Variants in POLR2F observed in about 807,000 individuals in gnomAD.
The protein encoded by POLR2F is DNA-directed RNA polymerases I, II, and III subunit RPABC2.
A neutral mutation model predicts 22.7 loss-of-function variants in POLR2F; 12 were observed. The observed-to-expected ratio is 0.53, with a 90% CI of 0.34 to 0.86. The LOEUF is 0.86. Among genes scored for constraint, POLR2F ranks in the 40% least tolerant of loss-of-function variants. POLR2F has a pLI of 0.02. For missense variants in POLR2F, 126 were observed against 171.5 expected, an observed-to-expected ratio of 0.73 and a Z score of 1.48; for synonymous variants, 57 against 66.0, an observed-to-expected ratio of 0.86 and a Z score of 0.66.
At chr22:37,994,086 C>T (rs915093224) in intron 1 of POLR2F, among the ~76,000 whole-genome samples, 1 of 152,186 alleles carries the variant, frequency 6.6e-6, no homozygotes, top group African/African-American at 2.4e-5. Context: ...CCAGTTAATG[C>T]CCCGCATTTT....
downstream of POLR2F, among the ~76,000 whole-genome samples, chr22:38,030,956 G>A (rs1485355179): frequency 6.6e-6 from 1 of 152,110 alleles, no homozygotes; most frequent in Non-Finnish European, 1.5e-5. Flanking sequence ...GAAATGAGGG[G>A]CCCTGGGACA....
chr22:37,983,154 C>T (rs1273697655), upstream of POLR2F, among the ~76,000 whole-genome samples: 1 of 152,222 alleles, frequency 6.6e-6, no homozygotes, highest in South Asian at 2.1e-4. This position sits in a 1 kb window ranked among gnomAD's most constrained non-coding sequence, Gnocchi z 9.5. Flanking sequence ...GTAGGGAGAC[C>T]CGGCCTAGGC....
Position 37,967,425 on chromosome 22 carries a change from A to G in POLR2F, c.294-200A>G, listed in dbSNP as rs1046929917. ...TCCTGCTGCAGGAGGCCTTACCAAT[A>G]TTCTGTCATTCTTCCCCCTCTTGTC... On this transcript the variant is annotated intron_variant, in intron 4 of 4. Transcript: ENST00000442738. 3 of 1,433,824 alleles carry G rather than the reference A, an allele frequency of 2.1e-6. No homozygotes were observed. In the African/African-American group the frequency reaches 4.3e-5, roughly 21 times the overall value. The allele number at this position is 1,433,824 out of a possible 1,614,324, so 88.8% of individuals were successfully genotyped here. A position where few individuals can be genotyped will look rare whatever the true frequency, so the allele number is the denominator to read the frequency against.
intron 1 of POLR2F, among the ~76,000 whole-genome samples, chr22:37,998,185 G>C (rs1018178809): frequency 2.0e-5 from 3 of 152,220 alleles, no homozygotes; most frequent in Non-Finnish European, 2.9e-5. Flanking sequence ...GCAGGGGCAG[G>C]GAATGAGGGG....
At chr22:37,956,702 C>A in intron 1 of POLR2F, 71 bp from the exon 2 acceptor site, 1 of 1,188,812 alleles carries the variant, frequency 8.4e-7, no homozygotes, top group Non-Finnish European at 1.3e-6. Context: ...CAAGTGTGAT[C>A]CACCGTGCCT....
rs1266573207 is a variant in POLR2F at position 37,953,747 on chromosome 22, G to T, written c.-41G>T. ...AGTGTCGCTGTTTGCGGGTCTCCGCGCGGGACCGGGGCGCAGCGGGGTCGC... is the reference window on the plus strand; with the variant it reads ...AGTGTCGCTGTTTGCGGGTCTCCGCTCGGGACCGGGGCGCAGCGGGGTCGC... On this transcript the variant is annotated 5_prime_UTR_variant, in exon 1 of 5. Coordinates refer to ENST00000442738, the MANE Select transcript of POLR2F (RefSeq NM_021974.5). 6.3e-7 allele frequency: 1 copy of T among 1,599,538 alleles called. No homozygotes were observed. Among genetic ancestry groups the T allele is most frequent in the East Asian group, 2.3e-5 (1 of 44,400 alleles).
exon 2 of POLR2F, chr22:38,026,012 T>C: frequency 1.8e-6 from 1 of 554,336 alleles, no homozygotes. Context: ...CTTCCCCTCG[T>C]GCACTTGGGT....
intron 1 of POLR2F, among the ~76,000 whole-genome samples, chr22:38,003,195 T>G (rs1315499458): frequency 6.6e-6 from 1 of 151,960 alleles, no homozygotes; most frequent in African/African-American, 2.4e-5. Context: ...TGGTAGAGGC[T>G]TATGTACCAG....
At chr22:38,023,547 G>A (rs1366995000) in intron 1 of POLR2F, among the ~76,000 whole-genome samples, 1 of 151,902 alleles carries the variant, frequency 6.6e-6, no homozygotes, top group African/African-American at 2.4e-5. Context: ...ATATTGTGGT[G>A]CATCCATTAC....
At chr22:38,028,118 C>G (rs936139399), downstream of POLR2F, among the ~76,000 whole-genome samples, 2 of 152,150 alleles carry the variant, frequency 1.3e-5, no homozygotes, top group African/African-American at 4.8e-5. Context: ...CACTGACCGC[C>G]CCTTTTGACA....
chr22:38,040,947 A>C, intron 5 of POLR2F: 1 of 1,514,996 alleles, frequency 6.6e-7, no homozygotes, highest in Non-Finnish European at 9.1e-7. Context: ...CAGAGGAGAG[A>C]GAATAATGAT....
intron 1 of POLR2F, among the ~76,000 whole-genome samples, chr22:37,996,553 A>T (rs1601896911): frequency 6.6e-6 from 1 of 152,252 alleles, no homozygotes; most frequent in Non-Finnish European, 1.5e-5. Context: ...GGCAGGAGGG[A>T]TGGAGCGAGA....
At chr22:37,987,177 G>A (rs930156379) in intron 1 of POLR2F, 6 of 456,572 alleles carry the variant, frequency 1.3e-5, no homozygotes, top group African/African-American at 1.0e-4. Flanking sequence ...CAGCAGAGAG[G>A]GGTCTGCGGT....
At chr22:37,982,328 G>A (rs192851841), upstream of POLR2F, among the ~76,000 whole-genome samples, 89 of 152,304 alleles carry the variant, frequency 5.8e-4, no homozygotes, top group Admixed American at 3.6e-3. Context: ...CGAGAATCAG[G>A]TGACTGCTAC....
At chr22:38,025,968 A>G (rs1049260247) in exon 2 of POLR2F, 4 of 609,832 alleles carry the variant, frequency 6.6e-6, no homozygotes, top group East Asian at 8.3e-5. Context: ...CTAGAAGTCA[A>G]CCGGAGAATG....
At position 37,986,541 on chromosome 22, in the gene POLR2F, G is replaced by A; in HGVS notation, c.120+229G>A. On this transcript the variant is annotated intron_variant, in intron 1 of 2. Transcript: ENST00000333418. The surrounding 1 kb of genome is among the most constrained non-coding windows in gnomAD (Gnocchi z 4.7). ...CCTTGGTCCAGCTGTGCCAGGATGG[G>A]GGTGGGGGTAGCAGTGGGCACGCTC... is the stretch of plus-strand genomic sequence containing the variant. 1 of 1,058,166 alleles carries A rather than the reference G, an allele frequency of 9.5e-7. No individual in the cohort carries two copies. The highest frequency in any genetic ancestry group is 1.4e-6 in the Non-Finnish European group (1 of 711,160). The allele number at this position is 1,058,166 out of a possible 1,614,324, so 65.5% of individuals were successfully genotyped here.
At chr22:38,008,026 G>T (rs189918496) in intron 1 of POLR2F, among the ~76,000 whole-genome samples, 1 of 152,102 alleles carries the variant, frequency 6.6e-6, no homozygotes, top group Admixed American at 6.5e-5. Context: ...GATCACCTGA[G>T]GTCAGGAGTT....
chr22:37,988,011 T>C (rs1016577067), intron 1 of POLR2F: 1 of 152,146 alleles, frequency 6.6e-6, no homozygotes, highest in Non-Finnish European at 1.5e-5. Flanking sequence ...TTACAATCAC[T>C]TGTGGAGTTA....
upstream of POLR2F, chr22:37,983,314 C>G: frequency 8.9e-6 from 14 of 1,571,448 alleles, no homozygotes; most frequent in East Asian, 2.3e-5. This position sits in a 1 kb window ranked among gnomAD's most constrained non-coding sequence, Gnocchi z 9.5. Flanking sequence ...TGAATCCACC[C>G]GAAGCTAGAG....
Sources: gnomAD v4.1 joint callset for allele counts (sites outside exome capture counted in the v4.1 genomes callset) on GRCh38, gnomAD v4.1.1 for gene constraint, Gnocchi (gnomAD v3.1) non-coding constraint, MANE v1.5 for transcripts, NCBI Gene and HGNC (gene_info 2026-07-23, HGNC 2026-07-21) for gene names.